The following TRIM31 variants were observed in gnomAD, a reference collection of about 807,000 sequenced individuals.
The protein encoded by TRIM31 is tripartite motif containing 31.
In TRIM31, 31 loss-of-function variants were observed where a neutral mutation model predicts 40.6. The observed-to-expected ratio is 0.76, with a 90% CI of 0.57 to 1.03. TRIM31 has a LOEUF of 1.03. Ranked by LOEUF, TRIM31 falls within the 50% of genes least tolerant of loss-of-function variation. TRIM31 has a pLI of 0.00. For missense variants in TRIM31, 455 were observed against 497.5 expected (o/e 0.91, Z 0.81); for synonymous variants, 164 against 193.9 (o/e 0.85, Z 1.28).
intron 6 of TRIM31, among the ~76,000 whole-genome samples, chr6:30,107,351 G>A (rs1209465958): frequency 1.5e-5 from 2 of 130,516 alleles, no homozygotes; most frequent in African/African-American, 5.6e-5. Context: ...GGAAGTGTTT[G>A]TGTATGGGGG....
Position 30,111,679 on chromosome 6 carries a change from G to C in TRIM31, c.482C>G (p.Ala161Gly). The change falls in exon 3 of 9, where the codon GCA becomes GGA. Residue 161 changes from alanine (A) to glycine (G), a missense_variant. Coordinates refer to ENST00000376734, the MANE Select transcript of TRIM31 (RefSeq NM_007028.5). The stretch of plus-strand genomic sequence containing the variant: ...GACATCGACCCTGTGTACACCTTGT[G>C]CCTTCACTTGTACTGTCTCCTTCTC... ...QKEKETVQVK[A>G]QGVHRVDVFT... 6.8e-6 allele frequency: 11 copies of C among 1,614,234 alleles called. No individual in the cohort carries two copies. Among genetic ancestry groups the C allele is most frequent in the Non-Finnish European group, 9.3e-6 (11 of 1,180,050 alleles).
chr6:30,108,834 T>A, intron 5 of TRIM31, 192 bp downstream of exon 5: 1 of 648,530 alleles, frequency 1.5e-6, no homozygotes, highest in South Asian at 1.8e-5. Context: ...AACAGCTGGT[T>A]TCTTTAACAA....
At chr6:30,105,451 C>G in intron 6 of TRIM31, 1 of 408,920 alleles carries the variant, frequency 2.4e-6, no homozygotes, top group Non-Finnish European at 4.3e-6. Flanking sequence ...CCAGCACTGT[C>G]CAGTATGAAT....
chr6:30,104,233 A>G, intron 7 of TRIM31, 66 bp from the exon 8 acceptor site: 1 of 1,484,958 alleles, frequency 6.7e-7, no homozygotes, highest in South Asian at 1.1e-5. Context: ...AAAAACAAAA[A>G]CAAGCACCCT....
chr6:30,106,231 G>C (rs1768671270), intron 6 of TRIM31, among the ~76,000 whole-genome samples: 1 of 152,236 alleles, frequency 6.6e-6, no homozygotes, highest in African/African-American at 2.4e-5. Context: ...CCTGGGGCTA[G>C]GTAGTGGGAC....
chr6:30,108,252 T>C, intron 5 of TRIM31, 84 bp from the exon 6 acceptor site: 1 of 963,196 alleles, frequency 1.0e-6, no homozygotes, highest in Non-Finnish European at 1.7e-6. Flanking sequence ...GGTTGAGAAA[T>C]GAGGGGATGA....
intron 4 of TRIM31, 51 bp downstream of exon 4, chr6:30,110,397 G>A: frequency 6.3e-7 from 1 of 1,575,140 alleles, no homozygotes; most frequent in Non-Finnish European, 8.7e-7. Context: ...TCTGACCTGA[G>A]ACTAGGGATG....
At chr6:30,110,354 G>A (rs115518750) in intron 4 of TRIM31, 94 bp downstream of exon 4, 1 of 1,230,336 alleles carries the variant, frequency 8.1e-7, no homozygotes, top group South Asian at 1.3e-5. Context: ...GGATGGTTGG[G>A]GCAATCTCAG....
chr6:30,103,905 T>C, intron 8 of TRIM31, 116 bp from the exon 9 acceptor site: 1 of 1,512,868 alleles, frequency 6.6e-7, no homozygotes, highest in South Asian at 1.2e-5. Context: ...GAGGTGAAAC[T>C]CAAGAAAGTA....
chr6:30,105,659 A>T (rs1168790560), intron 6 of TRIM31: 1 of 153,990 alleles, frequency 6.5e-6, no homozygotes, highest in Admixed American at 6.4e-5. Flanking sequence ...TTTACACTCA[A>T]TCTTGTGAAA....
At chr6:30,111,486 G>T in intron 3 of TRIM31, 162 bp downstream of exon 3, 1 of 661,780 alleles carries the variant, frequency 1.5e-6, no homozygotes, top group Non-Finnish European at 2.6e-6. Context: ...TAGCGAGGCC[G>T]ACGCGGGAGG....
In TRIM31 at chr6:30,104,128, G is replaced by A; in HGVS notation, c.998C>T (p.Thr333Ile). The change falls in exon 8 of 9, where the codon ACC becomes ATC. Residue 333 changes from threonine to isoleucine, a missense_variant. Thr to Ile is a moderately conservative substitution (Grantham distance 89). Coordinates refer to ENST00000376734, the MANE Select transcript of TRIM31 (RefSeq NM_007028.5). ...TGCAGAAGATGACCCGGGCTCTGAG[G>A]TTTTGTTCATTTTATGATTATTTTT... is the stretch of plus-strand genomic sequence containing the variant. ...LQKNNHKMNK[T>I]SEPGSSSAGG... The A allele has an allele frequency of 1.2e-6, 2 of 1,613,054 alleles. No individual in the cohort carries two copies. The highest frequency in any genetic ancestry group is 8.5e-7 in the Non-Finnish European group (1 of 1,180,032).
chr6:30,109,136 G>T, intron 4 of TRIM31, 88 bp from the exon 5 acceptor site: 1 of 1,395,626 alleles, frequency 7.2e-7, no homozygotes, highest in Non-Finnish European at 1.0e-6. Context: ...TGGGTGTGGG[G>T]CAGAGCAGGA....
chr6:30,112,408 TC>T lies in TRIM31; in HGVS notation c.397del (p.Glu133LysfsTer27), dbSNP rs1280141683. 2 of 1,611,918 alleles carry T rather than the reference TC, an allele frequency of 1.2e-6. No individual in the cohort carries two copies. Among genetic ancestry groups the T allele is most frequent in the Non-Finnish European group, 1.7e-6 (2 of 1,179,500 alleles). On this transcript the variant is annotated frameshift_variant, in exon 2 of 9. Transcript: ENST00000376734. LOFTEE classifies it high-confidence loss of function. ...GCCTACCTGATAATTCTGGGCAGCT[TC>T]TTCGATCAAGCTGACATTATGGGAT... ...HKSHNVSLIE[E>X]AAQNYQGQIQ...
rs34801993 is a variant in TRIM31 at position 30,112,427 on chromosome 6, T to C, written c.379A>G (p.Asn127Asp). ...GCAGCTTCTTCGATCAAGCTGACAT[T>C]ATGGGATTTGTGGTCCTTGGATTCA... ...CRESKDHKSHNVSLIEEAAQN... is the reference protein window; with the variant it reads ...CRESKDHKSHDVSLIEEAAQN... Residue 127 changes from asparagine (N) to aspartate (D), a missense_variant, in exon 2 of 9, where the codon AAT becomes GAT. By Grantham distance (23) the Asn-to-Asp change is conservative. Coordinates refer to ENST00000376734, the MANE Select transcript of TRIM31 (RefSeq NM_007028.5). 2.9e-3 allele frequency: 4,689 copies of C among 1,612,918 alleles called. 49 individuals are homozygous for C. In the African/African-American group the frequency reaches 0.034, roughly 12 times the overall value.
In TRIM31 at chr6:30,108,559, CAAAAAAAAAAAAAAAAA is replaced by C. The variant is rs28381623; in HGVS notation, c.768-408_768-392del. On this transcript the variant is annotated intron_variant, in intron 5 of 8. Coordinates refer to ENST00000376734, the MANE Select transcript of TRIM31 (RefSeq NM_007028.5). ...GAGCAACAAGAGCAAAGCTCCATCT[CAAAAAAAAAAAAAAAAA>C]AAAAAAAAGAAGACCTGGCGGTTAA... 6.6e-3 allele frequency among the ~76,000 whole-genome samples: 640 copies of C among 96,620 alleles called. 3 individuals are homozygous for C. Among genetic ancestry groups the C allele is most frequent in the African/African-American group, 0.013 (308 of 23,466 alleles). 63.4% of individuals were successfully genotyped at this position (96,620 alleles called of 152,430 possible).
intron 5 of TRIM31, 90 bp downstream of exon 5, chr6:30,108,936 G>C: frequency 1.4e-6 from 2 of 1,397,218 alleles, no homozygotes; most frequent in Non-Finnish European, 2.0e-6. Flanking sequence ...GTATTTCTGA[G>C]AGAGGAATGT....
At chr6:30,107,478 T>C (rs1407656436) in intron 6 of TRIM31, among the ~76,000 whole-genome samples, 2 of 151,950 alleles carry the variant, frequency 1.3e-5, no homozygotes, top group African/African-American at 2.4e-5. Flanking sequence ...TTAAGGGGAG[T>C]CCTTACAAAT....
At chr6:30,112,333 G>T in intron 2 of TRIM31, 56 bp downstream of exon 2, 2 of 1,548,410 alleles carry the variant, frequency 1.3e-6, no homozygotes, top group East Asian at 4.5e-5. Flanking sequence ...AGTTTCCAGG[G>T]CCTCACTGAA....
Sources: allele counts gnomAD v4.1 joint callset (sites outside exome capture counted in the v4.1 genomes callset), GRCh38; gene constraint gnomAD v4.1.1; transcripts MANE v1.5; gene names NCBI Gene and HGNC (gene_info 2026-07-23, HGNC 2026-07-21).